THSD7B: variants seen among roughly 807,000 people sequenced by gnomAD.
THSD7B encodes thrombospondin type-1 domain-containing protein 7B.
Under a neutral mutation model 213.6 loss-of-function variants are expected in THSD7B, and 138 were observed. The observed-to-expected ratio is 0.65, with a 90% CI of 0.56 to 0.74. THSD7B has a LOEUF of 0.74. Among genes scored for constraint, THSD7B ranks in the 30% least tolerant of loss-of-function variants. The pLI, the probability that THSD7B is intolerant of heterozygous loss-of-function variation, is 0.00. For synonymous variants in THSD7B, 742 were observed against 687.0 expected (o/e 1.08, Z -1.25); for missense variants, 1,931 against 1,991.5 (o/e 0.97, Z 0.58).
chr2:136,933,795 G>A (rs1443014670), intron 2 of THSD7B, among the ~76,000 whole-genome samples: 2 of 151,884 alleles, frequency 1.3e-5, no homozygotes, highest in Non-Finnish European at 2.9e-5. Flanking sequence ...ATGCTTAATT[G>A]TATTAATCTA....
At chr2:137,382,960 C>T (rs1485064185) in intron 12 of THSD7B, among the ~76,000 whole-genome samples, 1 of 152,178 alleles carries the variant, frequency 6.6e-6, no homozygotes, top group Admixed American at 6.5e-5. Flanking sequence ...GGTTTGATAG[C>T]AGGTGTGGAT....
chr2:137,045,637 C>A (rs538526117), intron 2 of THSD7B, among the ~76,000 whole-genome samples: 6 of 152,190 alleles, frequency 3.9e-5, no homozygotes, highest in African/African-American at 1.4e-4. Context: ...ATCTGATATG[C>A]AATTCTCATT....
At chr2:137,206,984 G>T (rs1680997954) in intron 7 of THSD7B, among the ~76,000 whole-genome samples, 1 of 152,054 alleles carries the variant, frequency 6.6e-6, no homozygotes, top group African/African-American at 2.4e-5. Context: ...ATCAGGTGAG[G>T]CTTGTGGAAG....
chr2:137,388,499 T>C (rs1357298789), intron 12 of THSD7B, among the ~76,000 whole-genome samples: 3 of 152,136 alleles, frequency 2.0e-5, no homozygotes, highest in African/African-American at 4.8e-5. Flanking sequence ...CAAGTATTTA[T>C]CATTTCTATG....
chr2:137,649,490 G>T (rs1457249842), intron 21 of THSD7B, among the ~76,000 whole-genome samples: 3 of 152,060 alleles, frequency 2.0e-5, no homozygotes, highest in Admixed American at 6.6e-5. Flanking sequence ...TTATTTTTCT[G>T]CATATGCTTA....
intron 17 of THSD7B, among the ~76,000 whole-genome samples, chr2:137,592,952 AC>A (rs1681893149): frequency 6.6e-6 from 1 of 151,686 alleles, no homozygotes; most frequent in African/African-American, 2.4e-5. Flanking sequence ...AATACCCTAG[AC>A]TTTTGTGTAT....
At chr2:136,966,735 T>G (rs10204372) in intron 2 of THSD7B, among the ~76,000 whole-genome samples, 14,351 of 152,156 alleles carry the variant, frequency 0.094, 849 homozygotes, top group East Asian at 0.22. Flanking sequence ...TCTTTGCTGT[T>G]TGTCTTATTC....
intron 5 of THSD7B, among the ~76,000 whole-genome samples, chr2:137,139,705 A>G (rs1018931882): frequency 1.4e-4 from 22 of 152,144 alleles, no homozygotes; most frequent in African/African-American, 5.1e-4. Context: ...TGATTGATGT[A>G]GATATTACAT....
At chr2:137,303,860 CA>C (rs1683675137) in intron 12 of THSD7B, among the ~76,000 whole-genome samples, 1 of 150,322 alleles carries the variant, frequency 6.7e-6, no homozygotes, top group Non-Finnish European at 1.5e-5. Flanking sequence ...GCAGAACATG[CA>C]GGTTTATTAC....
chr2:137,411,940 C>T (rs762129489), intron 14 of THSD7B, 68 bp downstream of exon 14: 2 of 1,550,310 alleles, frequency 1.3e-6, no homozygotes, highest in Admixed American at 1.9e-5. Flanking sequence ...TGTCTCAGGT[C>T]TAGAATTAAT....
intron 9 of THSD7B, among the ~76,000 whole-genome samples, chr2:137,236,395 T>G (rs1681764634): frequency 6.6e-6 from 1 of 152,202 alleles, no homozygotes; most frequent in Non-Finnish European, 1.5e-5. Flanking sequence ...GTACGAGTAA[T>G]CGAACTGATC....
chr2:137,177,193 T>C (rs957145708), intron 7 of THSD7B, among the ~76,000 whole-genome samples: 20 of 152,250 alleles, frequency 1.3e-4, no homozygotes, highest in African/African-American at 4.8e-4. Context: ...CTGTTTTCCC[T>C]ATGAAAACAT....
intron 12 of THSD7B, among the ~76,000 whole-genome samples, chr2:137,310,586 A>G (rs914955825): frequency 4.0e-5 from 6 of 151,584 alleles, no homozygotes; most frequent in Non-Finnish European, 7.4e-5. Flanking sequence ...GCCCGTGCCT[A>G]TGTCCTGAAT....
At chr2:136,848,755 C>G (rs952510327) in intron 1 of THSD7B, among the ~76,000 whole-genome samples, 4 of 152,064 alleles carry the variant, frequency 2.6e-5, no homozygotes, top group Non-Finnish European at 4.4e-5. Flanking sequence ...TGTTCTTATT[C>G]TCTTGAAAGT....
At chr2:137,060,512 A>C (rs1468575441) in intron 3 of THSD7B, among the ~76,000 whole-genome samples, 3 of 151,630 alleles carry the variant, frequency 2.0e-5, no homozygotes, top group Non-Finnish European at 4.4e-5. Context: ...TAGGTCTATC[A>C]TTCATTTTGA....
intron 15 of THSD7B, among the ~76,000 whole-genome samples, chr2:137,546,453 TATTATATATAA>T (rs1680733343): frequency 1.0e-4 from 3 of 28,934 alleles, no homozygotes; most frequent in Non-Finnish European, 1.5e-4. Context: ...ATTATATATA[TATTATATATAA>T]TATATATATA....
intron 10 of THSD7B, among the ~76,000 whole-genome samples, chr2:137,268,352 G>A (rs1051925129): frequency 3.9e-5 from 5 of 128,332 alleles, no homozygotes; most frequent in Non-Finnish European, 4.7e-5. Flanking sequence ...CCCGCCCTAC[G>A]TCCAAGTATT....
intron 3 of THSD7B, among the ~76,000 whole-genome samples, chr2:137,074,157 G>A (rs1022111038): frequency 5.9e-5 from 9 of 151,312 alleles, no homozygotes; most frequent in African/African-American, 1.5e-4. Context: ...TTTCTGTCTC[G>A]TTGATCTGTC....
chr2:137,228,119 T>G (rs1681551551), intron 7 of THSD7B, among the ~76,000 whole-genome samples: 1 of 150,836 alleles, frequency 6.6e-6, no homozygotes, highest in African/African-American at 2.4e-5. Flanking sequence ...GCTAGACACA[T>G]TGCAGCTGAA....
Sources: gnomAD v4.1 joint callset for allele counts (sites outside exome capture counted in the v4.1 genomes callset) on GRCh38, gnomAD v4.1.1 for gene constraint, MANE v1.5 for transcripts, NCBI Gene and HGNC (gene_info 2026-07-23, HGNC 2026-07-21) for gene names.